The following TNFRSF11B variants were observed in gnomAD, a reference collection of about 807,000 sequenced individuals.
The protein encoded by TNFRSF11B is TNF receptor superfamily member 11b, also known as tumor necrosis factor receptor superfamily member 11B.
In TNFRSF11B, 16 loss-of-function variants were observed where a neutral mutation model predicts 43.4. The observed-to-expected ratio is 0.37, with a 90% CI of 0.25 to 0.56. The LOEUF (loss-of-function observed/expected upper bound fraction) is 0.56, where lower values mean the gene tolerates loss of function less well. TNFRSF11B is among the 20% of genes least tolerant of loss of function. The probability of loss-of-function intolerance (pLI) is 0.80; values close to 1 mark genes in which losing one functional copy is unlikely to be tolerated. For missense variants in TNFRSF11B, 444 were observed against 490.1 expected (o/e 0.91, Z 0.89); for synonymous variants, 185 against 181.8 (o/e 1.02, Z -0.14).
At chr8:118,931,825 A>C (rs560431996) in intron 2 of TNFRSF11B, among the ~76,000 whole-genome samples, 3 of 152,332 alleles carry the variant, frequency 2.0e-5, no homozygotes, top group African/African-American at 7.2e-5. Flanking sequence ...TTTGAGAGTT[A>C]AAATAGTTAC....
intron 1 of TNFRSF11B, among the ~76,000 whole-genome samples, chr8:118,945,472 A>G (rs542656166): frequency 2.0e-5 from 3 of 151,976 alleles, no homozygotes; most frequent in Non-Finnish European, 2.9e-5. Context: ...TGAAAAATAC[A>G]CACATTCATA....
chr8:118,928,865 T>C lies in TNFRSF11B; in HGVS notation c.465A>G (p.Ser155=). 1 of 1,614,226 alleles carries C rather than the reference T, an allele frequency of 6.2e-7. No individual in the cohort carries two copies. Among genetic ancestry groups the C allele is most frequent in the Non-Finnish European group, 8.5e-7 (1 of 1,180,032 alleles). Residue 155 remains serine (S), a synonymous_variant, in exon 3 of 5, where the codon TCA becomes TCG. Transcript: ENST00000297350. ...CPDGFFSNET[S]SKAPCRKHTN... ...TGTGTTTTCTACAGGGTGCTTTAGA[T>C]GACGTCTCATTTGAGAAGAACCCAT...
Position 118,932,957 on chromosome 8 carries a change from G to C in TNFRSF11B, c.374C>G (p.Pro125Arg). ...IEFCLKHRSC[P>R]PGFGVVQAGT... ...AGCTTGCACCACTCCAAATCCAGGA[G>C]GGCAGCTCCTATGTTTCAAGCAGAA... The change falls in exon 2 of 5, where the codon CCT becomes CGT. Residue 125 changes from proline to arginine, a missense_variant. By Grantham distance (103) the Pro-to-Arg change is moderately radical. Transcript: ENST00000297350. 6.2e-7 allele frequency: 1 copy of C among 1,614,176 alleles called. No individual in the cohort carries two copies. Among genetic ancestry groups the C allele is most frequent in the South Asian group, 1.1e-5 (1 of 91,086 alleles).
At chr8:118,926,468 G>C (rs767759522) in intron 4 of TNFRSF11B, 26 bp downstream of exon 4, 1 of 1,580,892 alleles carries the variant, frequency 6.3e-7, no homozygotes. Flanking sequence ...ATTTCTGATT[G>C]ATCTTTTTAT....
At chr8:118,933,822 C>T (rs756819658) in intron 1 of TNFRSF11B, among the ~76,000 whole-genome samples, 58 of 152,284 alleles carry the variant, frequency 3.8e-4, no homozygotes, top group Middle Eastern at 6.8e-3. Flanking sequence ...AAATAATCAT[C>T]TCTTAATTTA....
intron 1 of TNFRSF11B, among the ~76,000 whole-genome samples, chr8:118,934,127 A>G (rs541020602): frequency 9.8e-4 from 149 of 152,282 alleles, no homozygotes; most frequent in Admixed American, 1.4e-3. Flanking sequence ...CTATTCTAAG[A>G]CTTTTGGATT....
At chr8:118,947,950 A>C (rs1451909091) in intron 1 of TNFRSF11B, among the ~76,000 whole-genome samples, 2 of 152,180 alleles carry the variant, frequency 1.3e-5, no homozygotes, top group Non-Finnish European at 2.9e-5. Context: ...ATTATAAATT[A>C]CTTTCTTTTT....
At chr8:118,924,898 G>T in intron 4 of TNFRSF11B, 136 bp from the exon 5 acceptor site, 1 of 1,036,090 alleles carries the variant, frequency 9.7e-7, no homozygotes, top group Non-Finnish European at 1.4e-6. Context: ...CTTTTGAGAG[G>T]GAGTTAAGTG....
In TNFRSF11B at chr8:118,933,096, C is replaced by T. The variant is rs774246126; in HGVS notation, c.235G>A (p.Glu79Lys). 5.6e-6 allele frequency: 9 copies of T among 1,614,200 alleles called. No homozygotes were observed. Among genetic ancestry groups the T allele is most frequent in the Non-Finnish European group, 7.6e-6 (9 of 1,180,048 alleles). The change falls in exon 2 of 5, where the codon GAG (glutamate) becomes AAG (lysine). Residue 79 changes from glutamate to lysine, a missense_variant. Transcript: ENST00000297350. ...YYTDSWHTSD[E>K]CLYCSPVCKE... is the part of the protein sequence containing the mutation. ...CACACGGGGCTGCAGTATAGACACT[C>T]GTCACTGGTGTGCCAGCTGTCTGTG...
At chr8:118,944,740 C>T (rs1254018562) in intron 1 of TNFRSF11B, among the ~76,000 whole-genome samples, 1 of 151,952 alleles carries the variant, frequency 6.6e-6, no homozygotes, top group African/African-American at 2.4e-5. Context: ...GCCAACCTAC[C>T]CATTATCATG....
At chr8:118,929,296 A>G (rs964833880) in intron 2 of TNFRSF11B, among the ~76,000 whole-genome samples, 1 of 152,240 alleles carries the variant, frequency 6.6e-6, no homozygotes, top group Admixed American at 6.5e-5. Context: ...GAAAATCAAG[A>G]TAACTGCTGT....
chr8:118,932,644 A>G (rs1168681645), intron 2 of TNFRSF11B, among the ~76,000 whole-genome samples: 2 of 141,070 alleles, frequency 1.4e-5, no homozygotes, highest in African/African-American at 5.7e-5. Context: ...CAATAGTGCA[A>G]CTTGAGTTTG....
At position 118,932,640 on chromosome 8, in the gene TNFRSF11B, T is replaced by G. The variant is rs73709383; in HGVS notation, c.400+291A>C. Among the ~76,000 whole-genome samples, 276 of 145,092 alleles carry G rather than the reference T, an allele frequency of 1.9e-3. 2 individuals carry two copies. The highest frequency in any genetic ancestry group is 7.0e-3 in the African/African-American group (261 of 37,452). ...AGAGGTATAGATCAACTATCAATAGTGCAACTTGAGTTTGTTTCTTTAAAA... is the reference window on the plus strand; with the variant it reads ...AGAGGTATAGATCAACTATCAATAGGGCAACTTGAGTTTGTTTCTTTAAAA... On this transcript the variant is annotated intron_variant, in intron 2 of 4. Transcript: ENST00000297350.
chr8:118,929,915 T>C (rs1476278177), intron 2 of TNFRSF11B, among the ~76,000 whole-genome samples: 1 of 152,222 alleles, frequency 6.6e-6, no homozygotes, highest in African/African-American at 2.4e-5. Flanking sequence ...CAGAAACTTA[T>C]TAAACTTCAT....
intron 1 of TNFRSF11B, among the ~76,000 whole-genome samples, chr8:118,939,370 A>G (rs184905444): frequency 6.6e-6 from 1 of 152,172 alleles, no homozygotes; most frequent in African/African-American, 2.4e-5. Flanking sequence ...GCATCCAAAA[A>G]CCCATTCTGA....
At chr8:118,944,424 T>G (rs1378248729) in intron 1 of TNFRSF11B, among the ~76,000 whole-genome samples, 1 of 152,100 alleles carries the variant, frequency 6.6e-6, no homozygotes, top group Non-Finnish European at 1.5e-5. Context: ...CATGAGTTAC[T>G]GGCCAGAACT....
intron 2 of TNFRSF11B, among the ~76,000 whole-genome samples, chr8:118,932,610 A>G (rs1812344699): frequency 6.6e-6 from 1 of 152,074 alleles, no homozygotes; most frequent in African/African-American, 2.4e-5. Context: ...GCTGAAGTGA[A>G]ATATAGAGGT....
intron 1 of TNFRSF11B, among the ~76,000 whole-genome samples, chr8:118,935,095 A>G (rs923913598): frequency 1.3e-5 from 2 of 152,300 alleles, no homozygotes; most frequent in African/African-American, 4.8e-5. Flanking sequence ...CCAACCAACA[A>G]TAAGCAAAAT....
At chr8:118,929,773 C>A (rs1812300848) in intron 2 of TNFRSF11B, among the ~76,000 whole-genome samples, 1 of 152,176 alleles carries the variant, frequency 6.6e-6, no homozygotes, top group African/African-American at 2.4e-5. Context: ...TCCAGTGTAT[C>A]TGAATATGAA....
Sources: gnomAD v4.1 joint callset for allele counts (sites outside exome capture counted in the v4.1 genomes callset) on GRCh38, gnomAD v4.1.1 for gene constraint, MANE v1.5 for transcripts, NCBI Gene and HGNC (gene_info 2026-07-23, HGNC 2026-07-21) for gene names.